The following KCNN3 variants were observed in gnomAD, a reference collection of about 807,000 sequenced individuals.
The protein encoded by KCNN3 is small conductance calcium-activated potassium channel protein 3.
Under a neutral mutation model 62.9 loss-of-function variants are expected in KCNN3, and 16 were observed. The observed-to-expected ratio is 0.25, with a 90% CI of 0.17 to 0.39. KCNN3 has a LOEUF of 0.39. Among genes scored for constraint, KCNN3 ranks in the 10% least tolerant of loss-of-function variants. KCNN3 has a pLI of 1.00. For synonymous variants in KCNN3, 370 were observed against 389.2 expected, an observed-to-expected ratio of 0.95 and a Z score of 0.58; for missense variants, 599 against 949.4, an observed-to-expected ratio of 0.63 and a Z score of 4.85.
chr1:154,762,037 C>T (rs1648041824), intron 3 of KCNN3, among the ~76,000 whole-genome samples: 1 of 152,180 alleles, frequency 6.6e-6, no homozygotes, highest in African/African-American at 2.4e-5. Context: ...AACTACCCAT[C>T]ATATGGATGT....
intron 3 of KCNN3, among the ~76,000 whole-genome samples, chr1:154,768,934 G>C (rs920257534): frequency 6.6e-6 from 1 of 152,174 alleles, no homozygotes; most frequent in Non-Finnish European, 1.5e-5. Context: ...GTAGAGTAGA[G>C]GCCAAGATTT....
intron 3 of KCNN3, among the ~76,000 whole-genome samples, chr1:154,749,688 A>G (rs4463657): frequency 0.074 from 11,260 of 152,194 alleles, 596 homozygotes; most frequent in African/African-American, 0.14. Context: ...AGAGAGGAAG[A>G]TAGAGAAAGA....
intron 1 of KCNN3, among the ~76,000 whole-genome samples, chr1:154,828,756 C>T (rs186694797): frequency 1.9e-3 from 287 of 152,338 alleles, no homozygotes; most frequent in Non-Finnish European, 3.1e-3. Context: ...TAGTCAAACA[C>T]CCCTTCTCTT....
At chr1:154,743,824 T>C (rs1245795461) in intron 3 of KCNN3, among the ~76,000 whole-genome samples, 1 of 152,198 alleles carries the variant, frequency 6.6e-6, no homozygotes, top group Non-Finnish European at 1.5e-5. Context: ...TAAGCTATGA[T>C]GCTCAGTAGG....
chr1:154,745,586 G>C (rs1475263239), intron 3 of KCNN3, among the ~76,000 whole-genome samples: 3 of 152,146 alleles, frequency 2.0e-5, no homozygotes, highest in African/African-American at 7.2e-5. Flanking sequence ...TGGGTCTCTT[G>C]GTCTTGCTCA....
At chr1:154,854,234 C>G (rs1652427972) in intron 1 of KCNN3, among the ~76,000 whole-genome samples, 1 of 151,908 alleles carries the variant, frequency 6.6e-6, no homozygotes, top group Non-Finnish European at 1.5e-5. Context: ...GACTCCATCT[C>G]AAAAATAATA....
chr1:154,754,671 C>T lies in KCNN3; in HGVS notation c.1448+17304G>A, dbSNP rs540476897. 3.9e-3 allele frequency among the ~76,000 whole-genome samples: 587 copies of T among 152,278 alleles called. 3 individuals carry two copies. Among genetic ancestry groups the T allele is most frequent in the African/African-American group, 0.014 (563 of 41,540 alleles). On this transcript the variant is annotated intron_variant, in intron 3 of 7. Coordinates refer to ENST00000271915, the MANE Select transcript of KCNN3 (RefSeq NM_002249.6). ...TTCTTGAAGTATGAGGAAGAAGCCA[C>T]GTACCAACGATGGCAGGGCAACAAG... is the stretch of plus-strand genomic sequence containing the variant.
chr1:154,709,031 C>T (rs532837894), intron 7 of KCNN3, among the ~76,000 whole-genome samples: 11 of 152,178 alleles, frequency 7.2e-5, no homozygotes, highest in Admixed American at 6.5e-4. Context: ...ACCAATCCTG[C>T]TTCCCTCACT....
In KCNN3 at chr1:154,850,155, G is replaced by A. The variant is rs556813452; in HGVS notation, c.933+18877C>T. Among the ~76,000 whole-genome samples the A allele has an allele frequency of 2.0e-4, 31 of 152,278 alleles. 1 individual carries two copies. The East Asian group carries it at 6.0e-3, about 29-fold the overall frequency. Reference sequence around the variant, plus strand: ...CTCCACTCTAGGGGCAGAGCCAGGCGGCCCCACAGGCATTCCTTATGTTGG... The same window carrying A: ...CTCCACTCTAGGGGCAGAGCCAGGCAGCCCCACAGGCATTCCTTATGTTGG... On this transcript the variant is annotated intron_variant, in intron 1 of 7. Transcript: ENST00000271915.
At chr1:154,810,833 A>G (rs1177258232) in intron 2 of KCNN3, among the ~76,000 whole-genome samples, 2 of 152,240 alleles carry the variant, frequency 1.3e-5, no homozygotes, top group Non-Finnish European at 2.9e-5. Flanking sequence ...AACCAGGGGT[A>G]GAAGAGTTAA....
At chr1:154,719,766 T>A (rs7523010) in intron 5 of KCNN3, among the ~76,000 whole-genome samples, 30,139 of 152,022 alleles carry the variant, frequency 0.2, 3,050 homozygotes, top group Non-Finnish European at 0.22. Context: ...AGACTTGCTC[T>A]GGCTTCCCCG....
intron 3 of KCNN3, among the ~76,000 whole-genome samples, chr1:154,734,720 T>G (rs979511542): frequency 1.3e-5 from 2 of 152,220 alleles, no homozygotes; most frequent in Admixed American, 1.3e-4. Context: ...GTATGACGGA[T>G]ACTGTGCATG....
chr1:154,765,219 C>T (rs749144105), intron 3 of KCNN3, among the ~76,000 whole-genome samples: 1 of 152,218 alleles, frequency 6.6e-6, no homozygotes, highest in African/African-American at 2.4e-5. Context: ...CATCCCCACA[C>T]ACAACATCCC....
intron 1 of KCNN3, among the ~76,000 whole-genome samples, chr1:154,841,127 C>T (rs1009449467): frequency 7.2e-5 from 11 of 152,282 alleles, no homozygotes; most frequent in South Asian, 2.1e-4. Flanking sequence ...GGGTCTTTTC[C>T]GGGTAAAGAT....
At chr1:154,815,684 G>C (rs1167630293) in intron 2 of KCNN3, among the ~76,000 whole-genome samples, 1 of 152,212 alleles carries the variant, frequency 6.6e-6, no homozygotes, top group Non-Finnish European at 1.5e-5. Context: ...GACTGTACTA[G>C]GGTTGGAAAA....
chr1:154,806,986 G>A (rs1260832823), intron 2 of KCNN3, among the ~76,000 whole-genome samples: 1 of 152,088 alleles, frequency 6.6e-6, no homozygotes, highest in Non-Finnish European at 1.5e-5. Context: ...GGATCAGAAT[G>A]TTCTCTGCTA....
chr1:154,763,001 A>G (rs995480973), intron 3 of KCNN3, among the ~76,000 whole-genome samples: 2 of 152,082 alleles, frequency 1.3e-5, no homozygotes, highest in African/African-American at 2.4e-5. Flanking sequence ...TTGATCTGTC[A>G]TTATTGATTT....
chr1:154,734,053 G>A (rs769688272), intron 3 of KCNN3, among the ~76,000 whole-genome samples: 1 of 152,196 alleles, frequency 6.6e-6, no homozygotes, highest in Admixed American at 6.5e-5. Context: ...GTCCACAGAG[G>A]TGCCACAGAG....
chr1:154,808,102 C>T (rs1650255528), intron 2 of KCNN3, among the ~76,000 whole-genome samples: 2 of 152,174 alleles, frequency 1.3e-5, no homozygotes, highest in African/African-American at 4.8e-5. Flanking sequence ...AAATGCTTTG[C>T]AGGTGCAACC....
Sources: allele counts gnomAD v4.1 joint callset (sites outside exome capture counted in the v4.1 genomes callset), GRCh38; gene constraint gnomAD v4.1.1; transcripts MANE v1.5; gene names NCBI Gene and HGNC (gene_info 2026-07-23, HGNC 2026-07-21).